Variants in MOB3B observed in about 807,000 individuals in gnomAD.
The protein encoded by MOB3B is MOB kinase activator 3B.
In MOB3B, 7 loss-of-function variants were observed where a neutral mutation model predicts 18.7. That is an observed-to-expected ratio of 0.37 (90% CI 0.21 to 0.70). The LOEUF (loss-of-function observed/expected upper bound fraction) is 0.70, where lower values mean the gene tolerates loss of function less well. MOB3B is among the 30% of genes least tolerant of loss of function. The pLI, the probability that MOB3B is intolerant of heterozygous loss-of-function variation, is 0.52. For missense variants in MOB3B, 253 were observed against 281.3 expected, an observed-to-expected ratio of 0.90 and a Z score of 0.72; for synonymous variants, 111 against 99.9, an observed-to-expected ratio of 1.11 and a Z score of -0.66.
intron 2 of MOB3B, among the ~76,000 whole-genome samples, chr9:27,376,728 C>T (rs1019239890): frequency 6.6e-6 from 1 of 152,228 alleles, no homozygotes; most frequent in Non-Finnish European, 1.5e-5. Context: ...TCCGGACCAG[C>T]AGCACCAGCA....
chr9:27,371,567 A>C (rs1003248482), intron 2 of MOB3B, among the ~76,000 whole-genome samples: 1 of 152,238 alleles, frequency 6.6e-6, no homozygotes, highest in African/African-American at 2.4e-5. Flanking sequence ...AGTCAAGCTA[A>C]ATTCATGAAC....
At chr9:27,480,300 C>CTTT (rs1167259149) in intron 1 of MOB3B, among the ~76,000 whole-genome samples, 3 of 123,344 alleles carry the variant, frequency 2.4e-5, no homozygotes, top group African/African-American at 9.4e-5. Flanking sequence ...CCATGCCCAG[C>CTTT]TATTTTTTTT....
intron 2 of MOB3B, among the ~76,000 whole-genome samples, chr9:27,376,371 T>C (rs1210209991): frequency 6.6e-6 from 1 of 152,208 alleles, no homozygotes; most frequent in Non-Finnish European, 1.5e-5. Flanking sequence ...ACAATAGATG[T>C]TTGTTTCATA....
At chr9:27,488,381 A>G (rs117993847) in intron 1 of MOB3B, among the ~76,000 whole-genome samples, 3,928 of 152,266 alleles carry the variant, frequency 0.026, 85 homozygotes, top group Non-Finnish European at 0.037. Flanking sequence ...CAGAGATCCA[A>G]GATTGGTATC....
chr9:27,436,906 T>C (rs2131428481), intron 2 of MOB3B, among the ~76,000 whole-genome samples: 1 of 148,048 alleles, frequency 6.8e-6, no homozygotes, highest in East Asian at 2.0e-4. Context: ...AGCAGCCAGC[T>C]ATGCAAAAAT....
At chr9:27,388,514 A>G (rs1354332353) in intron 2 of MOB3B, among the ~76,000 whole-genome samples, 1 of 151,960 alleles carries the variant, frequency 6.6e-6, no homozygotes, top group East Asian at 1.9e-4. Flanking sequence ...GTTTGGTTAC[A>G]TGAATAAATT....
chr9:27,388,740 T>A (rs1222969956), intron 2 of MOB3B, among the ~76,000 whole-genome samples: 3 of 152,168 alleles, frequency 2.0e-5, no homozygotes, highest in South Asian at 4.1e-4. Context: ...CTTTCCCTTC[T>A]AAGCATGTTC....
intron 1 of MOB3B, among the ~76,000 whole-genome samples, chr9:27,515,478 T>G (rs553773171): frequency 6.6e-6 from 1 of 152,334 alleles, no homozygotes; most frequent in South Asian, 2.1e-4. Context: ...CTCTTTAAAC[T>G]GAGGCTAGTA....
At chr9:27,450,427 C>A (rs1822766331) in intron 2 of MOB3B, among the ~76,000 whole-genome samples, 1 of 151,988 alleles carries the variant, frequency 6.6e-6, no homozygotes, top group Admixed American at 6.6e-5. Flanking sequence ...TAATCTGCTG[C>A]CCAGTCTTAG....
Position 27,330,585 on chromosome 9 carries a change from C to A in MOB3B, c.*2G>T, listed in dbSNP as rs1436660606. The A allele has an allele frequency of 1.1e-5, 18 of 1,613,756 alleles. No homozygotes were observed. In the Admixed American group the frequency reaches 2.5e-4, roughly 22 times the overall value. ...CTTTCTTCCAAAGGGTGAGGTGGAG[C>A]ATTAGTGACACATCCTGCTCGTCAT... On this transcript the variant is annotated 3_prime_UTR_variant, in exon 4 of 4. Coordinates refer to ENST00000262244, the MANE Select transcript of MOB3B (RefSeq NM_024761.5).
At chr9:27,351,710 C>T (rs556518474) in intron 3 of MOB3B, among the ~76,000 whole-genome samples, 1 of 152,294 alleles carries the variant, frequency 6.6e-6, no homozygotes, top group South Asian at 2.1e-4. Context: ...CTTCTTTTCA[C>T]AGTCCTGACT....
chr9:27,493,865 T>C (rs1819858925), intron 1 of MOB3B, among the ~76,000 whole-genome samples: 1 of 152,148 alleles, frequency 6.6e-6, no homozygotes, highest in Non-Finnish European at 1.5e-5. Flanking sequence ...CAGCAATGTT[T>C]AGGAAAAAAG....
intron 3 of MOB3B, among the ~76,000 whole-genome samples, 176 bp from the exon 4 acceptor site, chr9:27,330,792 T>A (rs1405420462): frequency 6.6e-6 from 1 of 151,434 alleles, no homozygotes; most frequent in Non-Finnish European, 1.5e-5. Context: ...TCTGCAGAAT[T>A]TTTTTTTTCC....
intron 1 of MOB3B, among the ~76,000 whole-genome samples, chr9:27,505,329 C>A (rs1172730954): frequency 6.6e-6 from 1 of 152,126 alleles, no homozygotes; most frequent in Non-Finnish European, 1.5e-5. Context: ...GCCTGGTGTT[C>A]CTGCCCCAAA....
At chr9:27,474,060 A>C (rs573663810) in intron 1 of MOB3B, among the ~76,000 whole-genome samples, 1 of 152,294 alleles carries the variant, frequency 6.6e-6, no homozygotes, top group African/African-American at 2.4e-5. Context: ...TATGAGAAAT[A>C]GATTTTCTGT....
At chr9:27,342,805 T>G (rs1213950762) in intron 3 of MOB3B, among the ~76,000 whole-genome samples, 4 of 151,648 alleles carry the variant, frequency 2.6e-5, no homozygotes, top group African/African-American at 7.3e-5. Context: ...TGGCCTGATC[T>G]CCGCTCGCTA....
chr9:27,511,080 C>G (rs1820134976), intron 1 of MOB3B, among the ~76,000 whole-genome samples: 1 of 152,164 alleles, frequency 6.6e-6, no homozygotes, highest in African/African-American at 2.4e-5. Flanking sequence ...TCACTCTCCA[C>G]AGGCAGAAGA....
chr9:27,500,658 T>C (rs1819976629), intron 1 of MOB3B, among the ~76,000 whole-genome samples: 1 of 152,106 alleles, frequency 6.6e-6, no homozygotes, highest in Admixed American at 6.6e-5. Flanking sequence ...GAAGAAAACC[T>C]AGGCAATACC....
At chr9:27,524,268 C>A (rs1820390968) in intron 1 of MOB3B, 20 of 1,491,796 alleles carry the variant, frequency 1.3e-5, no homozygotes, top group Non-Finnish European at 1.8e-5. Context: ...TATATAAAGG[C>A]ACATGAAGGA....
Sources: allele counts gnomAD v4.1 joint callset (sites outside exome capture counted in the v4.1 genomes callset), GRCh38; gene constraint gnomAD v4.1.1; transcripts MANE v1.5; gene names NCBI Gene and HGNC (gene_info 2026-07-23, HGNC 2026-07-21).